The following LNX1 variants were observed in gnomAD, a reference collection of about 807,000 sequenced individuals.
LNX1 encodes E3 ubiquitin-protein ligase LNX.
LNX1 carries 54 observed loss-of-function variants against 68.4 expected under a neutral mutation model. That is an observed-to-expected ratio of 0.79 (90% confidence interval 0.63 to 0.99). LNX1 has a LOEUF of 0.99. Among genes scored for constraint, LNX1 ranks in the 50% least tolerant of loss-of-function variants. The probability of loss-of-function intolerance (pLI) is 0.00; values close to 1 mark genes in which losing one functional copy is unlikely to be tolerated. For synonymous variants in LNX1, 336 were observed against 350.0 expected, an observed-to-expected ratio of 0.96 and a Z score of 0.45; for missense variants, 906 against 926.4, an observed-to-expected ratio of 0.98 and a Z score of 0.29.
At chr4:53,505,947 T>C (rs1725840832) in intron 4 of LNX1, among the ~76,000 whole-genome samples, 1 of 152,176 alleles carries the variant, frequency 6.6e-6, no homozygotes, top group South Asian at 2.1e-4. Flanking sequence ...TATAGGACTG[T>C]AATAAGCTGA....
intron 2 of LNX1, among the ~76,000 whole-genome samples, chr4:53,547,216 G>T (rs1401998096): frequency 5.9e-5 from 9 of 152,164 alleles, no homozygotes; most frequent in Admixed American, 5.9e-4. Context: ...TTCTAAGATG[G>T]AATCTATTTA....
At chr4:53,604,507 G>A (rs1398882399) in intron 2 of LNX1, among the ~76,000 whole-genome samples, 7 of 152,178 alleles carry the variant, frequency 4.6e-5, no homozygotes, top group Non-Finnish European at 1.0e-4. Flanking sequence ...AGAGGAAGTA[G>A]CCCAGGAACT....
chr4:53,566,861 A>G (rs1198329574), intron 2 of LNX1, among the ~76,000 whole-genome samples: 1 of 151,684 alleles, frequency 6.6e-6, no homozygotes, highest in Non-Finnish European at 1.5e-5. Context: ...AGTCTCTGAT[A>G]AAACAGACTT....
At chr4:53,473,643 G>A (rs1723380637) in intron 9 of LNX1, among the ~76,000 whole-genome samples, 1 of 152,074 alleles carries the variant, frequency 6.6e-6, no homozygotes, top group Non-Finnish European at 1.5e-5. Flanking sequence ...CAGACACCAG[G>A]GCCTACTTGA....
intron 1 of LNX1, among the ~76,000 whole-genome samples, chr4:53,589,707 G>T (rs1164544859): frequency 1.3e-5 from 2 of 152,178 alleles, no homozygotes; most frequent in African/African-American, 4.8e-5. Flanking sequence ...TTTCCATCAG[G>T]CCTATGTCCA....
Position 53,609,241 on chromosome 4 carries a change from A to T in LNX1, c.-215+7276T>A, listed in dbSNP as rs368127516. ...TGACATGCAATTTACCTATGTAACA[A>T]ATATGCACATGTACCCCTGAACCTA... On this transcript the variant is annotated intron_variant, in intron 2 of 3. Transcript: ENST00000504299. 1.2e-4 allele frequency among the ~76,000 whole-genome samples: 18 copies of T among 152,068 alleles called. No individual in the cohort carries two copies. In the South Asian group the frequency reaches 2.7e-3, roughly 23 times the overall value.
chr4:53,554,906 C>T (rs1399214828), intron 2 of LNX1, among the ~76,000 whole-genome samples: 5 of 151,834 alleles, frequency 3.3e-5, no homozygotes, highest in Non-Finnish European at 7.4e-5. Flanking sequence ...TTTGAGAAAC[C>T]TGGGCCACAT....
intron 2 of LNX1, among the ~76,000 whole-genome samples, chr4:53,538,927 A>G (rs923568719): frequency 6.6e-6 from 1 of 152,228 alleles, no homozygotes; most frequent in Admixed American, 6.5e-5. Context: ...AACAAGCCAA[A>G]TGGCCGATTA....
chr4:53,576,316 T>C (rs1409411036), intron 1 of LNX1: 1 of 1,612,784 alleles, frequency 6.2e-7, no homozygotes, highest in African/African-American at 1.3e-5. Context: ...GGAGCTGCGG[T>C]ACAGCGTGGC....
At chr4:53,543,242 T>TG (rs922448786) in intron 2 of LNX1, among the ~76,000 whole-genome samples, 15 of 152,238 alleles carry the variant, frequency 9.9e-5, no homozygotes, top group African/African-American at 3.6e-4. Context: ...GCTGCTTTCT[T>TG]GGCAAGGCCT....
intron 4 of LNX1, among the ~76,000 whole-genome samples, chr4:53,502,192 A>G (rs1422620630): frequency 6.6e-6 from 1 of 152,220 alleles, no homozygotes; most frequent in Non-Finnish European, 1.5e-5. Flanking sequence ...TGCATTTTCC[A>G]ACACACAGTC....
intron 9 of LNX1, among the ~76,000 whole-genome samples, chr4:53,470,313 T>C (rs920266997): frequency 2.0e-5 from 3 of 152,168 alleles, no homozygotes; most frequent in African/African-American, 7.2e-5. Flanking sequence ...AAACTCTCAA[T>C]AAATTAGGTA....
chr4:53,574,009 T>C lies in LNX1; in HGVS notation c.-7A>G, dbSNP rs746770337. 15 of 1,604,968 alleles carry C rather than the reference T, an allele frequency of 9.3e-6. No individual in the cohort carries two copies. The highest frequency in any genetic ancestry group is 1.3e-5 in the Non-Finnish European group (15 of 1,175,118). On this transcript the variant is annotated 5_prime_UTR_variant, in exon 2 of 11. Coordinates refer to ENST00000263925, the MANE Select transcript of LNX1 (RefSeq NM_001126328.3). ...CAGACTCTGGCTGGTTCATGATGGATTGGAGAGCAGTATAACAGGAAACTC... is the reference window on the plus strand; with the variant it reads ...CAGACTCTGGCTGGTTCATGATGGACTGGAGAGCAGTATAACAGGAAACTC...
chr4:53,570,361 G>T (rs1731058762), intron 2 of LNX1, among the ~76,000 whole-genome samples: 1 of 149,608 alleles, frequency 6.7e-6, no homozygotes. Context: ...CATGTCCTTT[G>T]TAGGGACATG....
chr4:53,637,011 T>C (rs1042398848), intron 1 of LNX1, among the ~76,000 whole-genome samples: 1 of 142,658 alleles, frequency 7.0e-6, no homozygotes, highest in Non-Finnish European at 1.5e-5. Flanking sequence ...GATGGAAGAA[T>C]CTTGGGTTAT....
At chr4:53,552,810 C>T (rs987778967) in intron 2 of LNX1, among the ~76,000 whole-genome samples, 10 of 117,716 alleles carry the variant, frequency 8.5e-5, no homozygotes, top group Non-Finnish European at 1.6e-4. Context: ...GCCTGGGCAA[C>T]AGAGCAAGAC....
chr4:53,626,897 T>A (rs186998763), intron 1 of LNX1, among the ~76,000 whole-genome samples: 2 of 152,346 alleles, frequency 1.3e-5, no homozygotes, highest in Non-Finnish European at 2.9e-5. Context: ...AAATGGAAAT[T>A]GAAGCTAGAA....
chr4:53,627,747 A>G (rs1734131515), intron 1 of LNX1, among the ~76,000 whole-genome samples: 1 of 152,260 alleles, frequency 6.6e-6, no homozygotes, highest in Non-Finnish European at 1.5e-5. Flanking sequence ...AACACAGCAC[A>G]TTGAATCAGC....
chr4:53,635,016 C>T (rs370939193), intron 1 of LNX1, among the ~76,000 whole-genome samples: 2 of 151,468 alleles, frequency 1.3e-5, no homozygotes, highest in Non-Finnish European at 2.9e-5. Context: ...TTTTTGTACG[C>T]AAGAAGTCTC....
Sources: gnomAD v4.1 joint callset for allele counts (sites outside exome capture counted in the v4.1 genomes callset) on GRCh38, gnomAD v4.1.1 for gene constraint, MANE v1.5 for transcripts, NCBI Gene and HGNC (gene_info 2026-07-23, HGNC 2026-07-21) for gene names.